Variants in PRH2 observed in about 807,000 individuals in gnomAD.
The protein encoded by PRH2 is salivary acidic proline-rich phosphoprotein 1/2.
A neutral mutation model predicts 22.6 loss-of-function variants in PRH2; 19 were observed. That is an observed-to-expected ratio of 0.84 (90% confidence interval 0.59 to 1.23). The LOEUF (loss-of-function observed/expected upper bound fraction) is 1.23, where lower values mean the gene tolerates loss of function less well. Ranked by LOEUF, PRH2 falls within the 50% of genes most tolerant of loss-of-function variation. PRH2 has a pLI of 0.00. For missense variants in PRH2, 109 were observed against 203.0 expected, an observed-to-expected ratio of 0.54 and a Z score of 2.81; for synonymous variants, 45 against 72.0, an observed-to-expected ratio of 0.63 and a Z score of 1.90.
At position 10,931,300 on chromosome 12, in the gene PRH2, C is replaced by T. The variant is rs925620409; in HGVS notation, c.*18+220C>T. 4.1e-6 allele frequency: 4 copies of T among 986,966 alleles called. No individual in the cohort carries two copies. The African/African-American group carries it at 6.6e-5, about 16-fold the overall frequency. 61.1% of individuals were successfully genotyped at this position (986,966 alleles called of 1,614,324 possible). On this transcript the variant is annotated intron_variant, in intron 3 of 3. Coordinates refer to ENST00000396400, the MANE Select transcript of PRH2 (RefSeq NM_001110213.1). Reference sequence around the variant, plus strand: ...TTTGAGAATCACTATCTTCAAATTACCTCTCTTAAATAGGGTTGGGAATGA... The same window carrying T: ...TTTGAGAATCACTATCTTCAAATTATCTCTCTTAAATAGGGTTGGGAATGA...
rs188061207 is a variant in PRH2 at position 10,933,300 on chromosome 12, T to C, written c.*1093T>C. Among the ~76,000 whole-genome samples, 3 of 152,022 alleles carry C rather than the reference T, an allele frequency of 2.0e-5. No individual in the cohort carries two copies. The highest frequency in any genetic ancestry group is 4.4e-5 in the Non-Finnish European group (3 of 67,912). ...TATAGTAGTTAATATCTAAGTAAAA[T>C]ATGATGAAATTTAATAGAGAATTCA... is the stretch of plus-strand genomic sequence containing the variant. On this transcript the variant is annotated 3_prime_UTR_variant, in exon 4 of 4. Coordinates refer to ENST00000396400, the MANE Select transcript of PRH2 (RefSeq NM_001110213.1).
chr12:10,930,154 G>C, intron 1 of PRH2, 115 bp from the exon 2 acceptor site: 1 of 1,233,254 alleles, frequency 8.1e-7, no homozygotes, highest in Non-Finnish European at 1.2e-6. Context: ...TGGCTGATGA[G>C]ATCTCAAAGG....
chr12:10,931,343 C>G (rs79855238), intron 3 of PRH2, among the ~76,000 whole-genome samples: 1 of 152,270 alleles, frequency 6.6e-6, no homozygotes, highest in African/African-American at 2.4e-5. Flanking sequence ...GAATCATGTT[C>G]TCCCTTTGGC....
intron 2 of PRH2, 29 bp downstream of exon 2, chr12:10,930,333 C>G (rs1223736540): frequency 1.2e-6 from 2 of 1,603,014 alleles, no homozygotes; most frequent in Middle Eastern, 1.7e-4. Context: ...TCAGTAAACT[C>G]TGTCTCCATT....
chr12:10,931,311 T>C (rs1462419330), intron 3 of PRH2: 3 of 935,968 alleles, frequency 3.2e-6, no homozygotes, highest in East Asian at 5.4e-5. Flanking sequence ...CTCTCTTAAA[T>C]AGGGTTGGGA....
In PRH2 at chr12:10,933,899, G is replaced by C. The variant is rs10492103; in HGVS notation, c.*1692G>C. Among the ~76,000 whole-genome samples the C allele has an allele frequency of 0.012, 1,750 of 152,150 alleles. 18 individuals carry two copies. The highest frequency in any genetic ancestry group is 0.031 in the South Asian group (149 of 4,822). Reference sequence around the variant, plus strand: ...AGATACATATATTCAAATGGAAGGAGTAAAATTACCACCACATGCAGATCT... The same window carrying C: ...AGATACATATATTCAAATGGAAGGACTAAAATTACCACCACATGCAGATCT... On this transcript the variant is annotated 3_prime_UTR_variant, in exon 4 of 4. Transcript: ENST00000396400.
intron 3 of PRH2, among the ~76,000 whole-genome samples, chr12:10,931,819 G>GTT (rs1048990647): frequency 1.4e-5 from 2 of 145,100 alleles, no homozygotes; most frequent in Non-Finnish European, 3.0e-5. Context: ...TTATTGGTTA[G>GTT]TTTTTTTTTT....
chr12:10,931,704 T>A (rs560187402), intron 3 of PRH2, among the ~76,000 whole-genome samples: 65 of 152,346 alleles, frequency 4.3e-4, no homozygotes, highest in African/African-American at 1.5e-3. Context: ...CTATATATAA[T>A]TTTCCCACCA....
chr12:10,931,267 A>C (rs1448107364), intron 3 of PRH2, 187 bp downstream of exon 3: 4 of 1,278,996 alleles, frequency 3.1e-6, no homozygotes, highest in Non-Finnish European at 4.2e-6. Flanking sequence ...CTTGAAGGCA[A>C]TTCCAATTTT....
At chr12:10,931,160 A>G (rs759283609) in intron 3 of PRH2, 80 bp downstream of exon 3, 3 of 1,578,484 alleles carry the variant, frequency 1.9e-6, no homozygotes, top group Non-Finnish European at 1.7e-6. Flanking sequence ...AATCTATTGA[A>G]AAGCTGTTAA....
In PRH2 at chr12:10,930,731, A is replaced by T. The variant is rs1950195360; in HGVS notation, c.170A>T (p.Gln57Leu). ...QGPPLGGQQS[Q>L]PSAGDGNQND... ...CCACCTTTGGGAGGACAGCAATCTC[A>T]ACCCTCTGCTGGTGATGGGAACCAG... is the stretch of plus-strand genomic sequence containing the variant. The change falls in exon 3 of 4, where the codon CAA becomes CTA. Residue 57 changes from glutamine to leucine, a missense_variant. By Grantham distance (113) the Gln-to-Leu change is moderately radical (BLOSUM62 -2). Coordinates refer to ENST00000396400, the MANE Select transcript of PRH2 (RefSeq NM_001110213.1). 1 of 1,613,726 alleles carries T rather than the reference A, an allele frequency of 6.2e-7. No individual in the cohort carries two copies. The highest frequency in any genetic ancestry group is 1.3e-5 in the African/African-American group (1 of 75,002).
chr12:10,932,087 G>A (rs1950221744), intron 3 of PRH2, 139 bp from the exon 4 acceptor site: 13 of 259,056 alleles, frequency 5.0e-5, no homozygotes, highest in South Asian at 4.5e-4. Flanking sequence ...CAAAGAAAAT[G>A]ATATTAAGGA....
Position 10,934,824 on chromosome 12 carries a change from CAAAT to C in PRH2, c.*2621_*2624del, listed in dbSNP as rs1334925432. 2.6e-5 allele frequency among the ~76,000 whole-genome samples: 4 copies of C among 152,094 alleles called. No homozygotes were observed. Among genetic ancestry groups the C allele is most frequent in the Admixed American group, 6.6e-5 (1 of 15,264 alleles). ...AAACTGAATTCTCATTGTTAATAAA[CAAAT>C]AAAGACAATTCTCTGCATCATTGTG... is the stretch of plus-strand genomic sequence containing the variant. On this transcript the variant is annotated 3_prime_UTR_variant, in exon 4 of 4. Transcript: ENST00000396400.
rs887370808 is a variant in PRH2, at chr12:10,933,589, G to C, written c.*1382G>C. On this transcript the variant is annotated 3_prime_UTR_variant, in exon 4 of 4. Coordinates refer to ENST00000396400, the MANE Select transcript of PRH2 (RefSeq NM_001110213.1). ...TTCATTATTTGTTTTGGATAATGAA[G>C]TCAGCAGAGGAAAAAAAAATATGAC... Among the ~76,000 whole-genome samples the C allele has an allele frequency of 6.6e-6, 1 of 151,874 alleles. No individual in the cohort carries two copies.
rs1565481548 is a variant in PRH2, at chr12:10,934,095, T to A, written c.*1888T>A. On this transcript the variant is annotated 3_prime_UTR_variant, in exon 4 of 4. Coordinates refer to ENST00000396400, the MANE Select transcript of PRH2 (RefSeq NM_001110213.1). ...CTAGTAAATATAATAAGAAAATGAT[T>A]ATTCACAAAGGAACCAAAAGGCCTA... Among the ~76,000 whole-genome samples, 2 of 152,192 alleles carry A rather than the reference T, an allele frequency of 1.3e-5. No homozygotes were observed. The highest frequency in any genetic ancestry group is 6.5e-5 in the Admixed American group (1 of 15,276).
In PRH2 at chr12:10,933,081, T is replaced by C. The variant is rs1950236758; in HGVS notation, c.*874T>C. On this transcript the variant is annotated 3_prime_UTR_variant, in exon 4 of 4. Coordinates refer to ENST00000396400, the MANE Select transcript of PRH2 (RefSeq NM_001110213.1). ...AAAATCCAATAAAATTGGCAAAAGA[T>C]TGTGAAAATTCTGGAAGAATAAGGG... Among the ~76,000 whole-genome samples the C allele has an allele frequency of 6.6e-6, 1 of 152,036 alleles. No homozygotes were observed. Among genetic ancestry groups the C allele is most frequent in the East Asian group, 1.9e-4 (1 of 5,196 alleles).
At chr12:10,931,245 T>C in intron 3 of PRH2, 165 bp downstream of exon 3, 1 of 1,427,246 alleles carries the variant, frequency 7.0e-7, no homozygotes, top group East Asian at 2.4e-5. Context: ...AGATCTTGTT[T>C]TTAAACAATC....
rs1950168846 is a variant in PRH2, at chr12:10,929,351, G to A, written c.64+14G>A. On this transcript the variant is annotated intron_variant, in intron 1 of 3. Coordinates refer to ENST00000396400, the MANE Select transcript of PRH2 (RefSeq NM_001110213.1). ...ACTTAGATGAAGGTAAGCCGAATTGGGGGAAGATATTGTGACTCTGATTGG... is the reference window on the plus strand; with the variant it reads ...ACTTAGATGAAGGTAAGCCGAATTGAGGGAAGATATTGTGACTCTGATTGG... 1 of 1,614,142 alleles carries A rather than the reference G, an allele frequency of 6.2e-7. No individual in the cohort carries two copies. Among genetic ancestry groups the A allele is most frequent in the Non-Finnish European group, 8.5e-7 (1 of 1,180,038 alleles).
chr12:10,929,466 G>A (rs1565477828), intron 1 of PRH2, 129 bp downstream of exon 1: 1 of 1,133,972 alleles, frequency 8.8e-7, no homozygotes, highest in African/African-American at 1.5e-5. Context: ...TCATGCCAAG[G>A]ATCAGAAGAC....
Sources: gnomAD v4.1 joint callset for allele counts (sites outside exome capture counted in the v4.1 genomes callset) on GRCh38, gnomAD v4.1.1 for gene constraint, MANE v1.5 for transcripts, NCBI Gene and HGNC (gene_info 2026-07-23, HGNC 2026-07-21) for gene names.